The following CLEC16A variants were observed in gnomAD, a reference collection of about 807,000 sequenced individuals.
CLEC16A encodes protein CLEC16A.
In CLEC16A, 51 loss-of-function variants were observed where a neutral mutation model predicts 109.5. That is an observed-to-expected ratio of 0.47 (90% confidence interval 0.37 to 0.59). The LOEUF is 0.59. CLEC16A is among the 20% of genes least tolerant of loss of function. The pLI is 0.00. For synonymous variants in CLEC16A, 673 were observed against 564.2 expected (o/e 1.19, Z -2.73); for missense variants, 1,339 against 1,394.0 (o/e 0.96, Z 0.63).
At chr16:11,037,606 A>G (rs1446889915) in intron 13 of CLEC16A, among the ~76,000 whole-genome samples, 1 of 152,186 alleles carries the variant, frequency 6.6e-6, no homozygotes, top group Non-Finnish European at 1.5e-5. Context: ...TCTCTCTGGA[A>G]ATTCAAGGCC....
At chr16:11,075,238 A>G (rs1174913352) in intron 19 of CLEC16A, among the ~76,000 whole-genome samples, 1 of 152,222 alleles carries the variant, frequency 6.6e-6, no homozygotes, top group Non-Finnish European at 1.5e-5. Flanking sequence ...GATTTGCTCA[A>G]AAAGCAGTAA....
intron 19 of CLEC16A, among the ~76,000 whole-genome samples, chr16:11,067,567 A>C (rs1398561361): frequency 6.6e-6 from 1 of 152,184 alleles, no homozygotes; most frequent in Non-Finnish European, 1.5e-5. Context: ...GTAGGAAGCC[A>C]TGCAGGCCCT....
At chr16:11,109,605 C>G (rs1036203946) in intron 19 of CLEC16A, among the ~76,000 whole-genome samples, 7 of 152,216 alleles carry the variant, frequency 4.6e-5, no homozygotes, top group East Asian at 1.9e-4. Context: ...ATCCCTGGTA[C>G]CAGCGCAGAC....
chr16:10,970,358 T>A (rs1397806794), intron 4 of CLEC16A, among the ~76,000 whole-genome samples: 2 of 152,190 alleles, frequency 1.3e-5, no homozygotes, highest in African/African-American at 4.8e-5. Context: ...TTTCCCTGCA[T>A]CCCACTGAGT....
chr16:10,958,919 AG>A (rs2042119751), intron 2 of CLEC16A, among the ~76,000 whole-genome samples: 1 of 151,720 alleles, frequency 6.6e-6, no homozygotes, highest in African/African-American at 2.4e-5. Context: ...AAAAATAGCA[AG>A]GGCTGTTAAC....
At chr16:10,989,684 G>A (rs1235115105) in intron 10 of CLEC16A, among the ~76,000 whole-genome samples, 1 of 152,150 alleles carries the variant, frequency 6.6e-6, no homozygotes, top group African/African-American at 2.4e-5. Context: ...TAGCAGTTAG[G>A]ATGGTTTCCA....
intron 19 of CLEC16A, among the ~76,000 whole-genome samples, chr16:11,091,551 G>A (rs531724908): frequency 6.6e-6 from 1 of 152,322 alleles, no homozygotes; most frequent in African/African-American, 2.4e-5. Context: ...AGGGAAGGGC[G>A]CTGGCTCGGA....
intron 11 of CLEC16A, among the ~76,000 whole-genome samples, chr16:11,017,154 GC>G (rs2045808171): frequency 1.3e-5 from 2 of 152,214 alleles, no homozygotes; most frequent in South Asian, 4.2e-4. Flanking sequence ...GGCCCACCCC[GC>G]CTCAGATCAC....
chr16:11,134,263 T>C (rs551792940), intron 22 of CLEC16A, among the ~76,000 whole-genome samples: 13 of 152,010 alleles, frequency 8.6e-5, no homozygotes, highest in African/African-American at 3.1e-4. Context: ...AAAACTACGT[T>C]GTCGGCTCCA....
intron 12 of CLEC16A, 128 bp from the exon 13 acceptor site, chr16:11,024,693 G>T (rs1047534724): frequency 7.4e-6 from 5 of 680,044 alleles, no homozygotes; most frequent in African/African-American, 7.0e-5. Flanking sequence ...CGTGGTGCTG[G>T]ACCAGGCACA....
chr16:11,159,438 G>C (rs1282099330), intron 22 of CLEC16A, among the ~76,000 whole-genome samples: 1 of 152,246 alleles, frequency 6.6e-6, no homozygotes, highest in Admixed American at 6.5e-5. Context: ...TCAAAAGTAG[G>C]ATCCACAGAA....
At chr16:11,072,960 T>C (rs1381493438) in intron 19 of CLEC16A, among the ~76,000 whole-genome samples, 1 of 152,124 alleles carries the variant, frequency 6.6e-6, no homozygotes, top group Non-Finnish European at 1.5e-5. Flanking sequence ...GGAAAGTGGG[T>C]GCCGTCTGAT....
intron 2 of CLEC16A, among the ~76,000 whole-genome samples, chr16:10,959,632 T>C (rs2042162356): frequency 6.6e-6 from 1 of 152,160 alleles, no homozygotes; most frequent in Admixed American, 6.5e-5. Context: ...CCTCAGGTGA[T>C]CCACCAGCCT....
At chr16:11,073,446 C>T (rs1255650529) in intron 19 of CLEC16A, among the ~76,000 whole-genome samples, 3 of 152,182 alleles carry the variant, frequency 2.0e-5, no homozygotes, top group Non-Finnish European at 4.4e-5. Context: ...AGTATCTCCC[C>T]CATTCTACCC....
chr16:11,120,167 C>T (rs1422446919), intron 19 of CLEC16A, among the ~76,000 whole-genome samples: 1 of 152,220 alleles, frequency 6.6e-6, no homozygotes, highest in African/African-American at 2.4e-5. Flanking sequence ...GACAGGATTT[C>T]ACCATGTTGG....
chr16:11,042,288 C>G lies in CLEC16A; in HGVS notation c.1695C>G (p.Ser565Arg). ...GKIRLATLELSCLLLKQQVLM... is the reference protein window; with the variant it reads ...GKIRLATLELRCLLLKQQVLM... The stretch of plus-strand genomic sequence containing the variant: ...TCCGGCTGGCGACGCTGGAGCTGAG[C>G]TGCCTGCTTCTGAAGCAGCAAGTCC... Residue 565 changes from serine to arginine, a missense_variant, in exon 15 of 24, where the codon AGC (serine) becomes AGG (arginine). Ser to Arg is a moderately radical substitution (Grantham distance 110, BLOSUM62 -1). This residue lies in a region of CLEC16A where 1,061 missense variants were observed against 1,006.8 expected (regional missense o/e 1.05). Coordinates refer to ENST00000409790, the MANE Select transcript of CLEC16A (RefSeq NM_015226.3). The G allele has an allele frequency of 3.1e-6, 5 of 1,589,302 alleles. No homozygotes were observed. Among genetic ancestry groups the G allele is most frequent in the Non-Finnish European group, 4.3e-6 (5 of 1,168,306 alleles).
chr16:11,131,842 A>G (rs1411693499), intron 22 of CLEC16A, among the ~76,000 whole-genome samples: 1 of 152,160 alleles, frequency 6.6e-6, no homozygotes, highest in Non-Finnish European at 1.5e-5. Flanking sequence ...GGCTCTCTGC[A>G]GATGACACAA....
At chr16:11,102,541 C>T (rs980085637) in intron 19 of CLEC16A, among the ~76,000 whole-genome samples, 1 of 152,206 alleles carries the variant, frequency 6.6e-6, no homozygotes. Flanking sequence ...ATAAATGTGT[C>T]CCCTGGTATG....
intron 10 of CLEC16A, among the ~76,000 whole-genome samples, chr16:10,989,509 A>G (rs1478542877): frequency 6.6e-6 from 1 of 152,200 alleles, no homozygotes; most frequent in African/African-American, 2.4e-5. Flanking sequence ...TGCTGGGATT[A>G]CAGGCATGAG....
Sources: gnomAD v4.1 joint callset for allele counts (sites outside exome capture counted in the v4.1 genomes callset) on GRCh38, gnomAD v4.1.1 for gene constraint, gnomAD v4.1.1 regional missense constraint, MANE v1.5 for transcripts, NCBI Gene and HGNC (gene_info 2026-07-23, HGNC 2026-07-21) for gene names.